The following ITPKB variants were observed in gnomAD, a reference collection of about 807,000 sequenced individuals.
The protein encoded by ITPKB is IP3 3-kinase B.
ITPKB carries 13 observed loss-of-function variants against 69.4 expected under a neutral mutation model. That is an observed-to-expected ratio of 0.19 (90% CI 0.12 to 0.30). ITPKB has a LOEUF of 0.30. Ranked by LOEUF, ITPKB falls within the 10% of genes least tolerant of loss-of-function variation. The pLI is 1.00. For synonymous variants in ITPKB, 584 were observed against 513.7 expected (o/e 1.14, Z -1.85); for missense variants, 1,240 against 1,250.5 (o/e 0.99, Z 0.13).
intron 2 of ITPKB, among the ~76,000 whole-genome samples, chr1:226,727,844 C>G (rs184355277): frequency 6.6e-6 from 1 of 152,304 alleles, no homozygotes; most frequent in East Asian, 1.9e-4. Flanking sequence ...GTATTATCAT[C>G]TCTGGGTTAG....
chr1:226,635,960 G>A (rs898794795), intron 7 of ITPKB, among the ~76,000 whole-genome samples: 1 of 152,260 alleles, frequency 6.6e-6, no homozygotes, highest in African/African-American at 2.4e-5. Flanking sequence ...CAGGGCAGGT[G>A]GGGCCCCTGG....
At chr1:226,737,857 G>C (rs1211919932) in intron 1 of ITPKB, among the ~76,000 whole-genome samples, 194 bp from the exon 2 acceptor site, 1 of 152,110 alleles carries the variant, frequency 6.6e-6, no homozygotes, top group African/African-American at 2.4e-5. Flanking sequence ...GCGCGGTTTC[G>C]GGTGTGCTTC....
Position 226,737,453 on chromosome 1 carries a change from A to G in ITPKB, c.6T>C (p.Ala2=). 1 of 1,609,738 alleles carries G rather than the reference A, an allele frequency of 6.2e-7. No individual in the cohort carries two copies. Among genetic ancestry groups the G allele is most frequent in the Non-Finnish European group, 8.5e-7 (1 of 1,179,084 alleles). Residue 2 remains alanine, a synonymous_variant, in exon 2 of 8, where the codon GCT becomes GCC. Transcript: ENST00000429204. ...GGCTATTGAGCGCATAGCAGTACAC[A>G]GCCATAGTACTGGGTCCCGCGCTGC... M[A]VYCYALNSLV...
chr1:226,670,753 T>C (rs1669599866), intron 2 of ITPKB, among the ~76,000 whole-genome samples: 1 of 152,252 alleles, frequency 6.6e-6, no homozygotes, highest in Non-Finnish European at 1.5e-5. Context: ...TCTCAGTTAT[T>C]ATATTCTATT....
At chr1:226,707,512 T>C in intron 2 of ITPKB, 1 of 984,928 alleles carries the variant, frequency 1.0e-6, no homozygotes, top group Non-Finnish European at 1.2e-6. Flanking sequence ...AGTAAAATTT[T>C]AAGAGAAAAA....
Position 226,736,874 on chromosome 1 carries a change from G to C in ITPKB, c.585C>G (p.Ala195=). The change falls in exon 2 of 8, where the codon GCC becomes GCG. Residue 195 remains alanine (A), a synonymous_variant. Transcript: ENST00000429204. The stretch of plus-strand genomic sequence containing the variant: ...ACTTTGTCCTCCGTTCCTCGCTCCG[G>C]GCGCCCTGAACCAGGACCCTTCCAG... The part of the protein sequence containing the change: ...QPPGRVLVQG[A]RSEERRTKSW... The C allele has an allele frequency of 6.2e-7, 1 of 1,610,950 alleles. No individual in the cohort carries two copies. Among genetic ancestry groups the C allele is most frequent in the Non-Finnish European group, 8.5e-7 (1 of 1,180,014 alleles).
At position 226,737,506 on chromosome 1, in the gene ITPKB, C is replaced by A; in HGVS notation, c.-48G>T. On this transcript the variant is annotated 5_prime_UTR_variant, in exon 2 of 8. Transcript: ENST00000429204. ...GCCGCCGCGGCTCCCGCTCCTGCTC[C>A]GCCGCCGGCGCCTCCTCCTCCCGGC... The A allele has an allele frequency of 6.9e-7, 1 of 1,455,206 alleles. No homozygotes were observed. Among genetic ancestry groups the A allele is most frequent in the Non-Finnish European group, 9.0e-7 (1 of 1,105,402 alleles). 90.1% of individuals were successfully genotyped at this position (1,455,206 alleles called of 1,614,324 possible). A position where few individuals can be genotyped will look rare whatever the true frequency, so the allele number is the denominator to read the frequency against.
At position 226,686,322 on chromosome 1, in the gene ITPKB, G is replaced by C. The variant is rs142540919; in HGVS notation, c.1933-37551C>G. On this transcript the variant is annotated intron_variant, in intron 2 of 7. Transcript: ENST00000429204. Reference sequence around the variant, plus strand: ...CTAATTTCATTCCTGGACATGTCTAGTATAGATTGAAAGGGAAGCCATAGT... The same window carrying C: ...CTAATTTCATTCCTGGACATGTCTACTATAGATTGAAAGGGAAGCCATAGT... Among the ~76,000 whole-genome samples, 5 of 152,336 alleles carry C rather than the reference G, an allele frequency of 3.3e-5. No individual in the cohort carries two copies. In the East Asian group the frequency reaches 9.6e-4, roughly 29 times the overall value.
Position 226,634,254 on chromosome 1 carries a change from G to C in ITPKB, c.*417C>G, listed in dbSNP as rs2102735104. On this transcript the variant is annotated 3_prime_UTR_variant, in exon 8 of 8. Coordinates refer to ENST00000429204, the MANE Select transcript of ITPKB (RefSeq NM_002221.4). This position sits in a 1 kb window ranked among gnomAD's most constrained non-coding sequence, Gnocchi z 6.3. ...GCTCTCCGGTGGGGAGGCCCCGGCAGAAATAAGGCTGTGCTTGGCAGCACT... is the reference window on the plus strand; with the variant it reads ...GCTCTCCGGTGGGGAGGCCCCGGCACAAATAAGGCTGTGCTTGGCAGCACT... 1.2e-5 allele frequency: 2 copies of C among 162,342 alleles called. No individual in the cohort carries two copies. Among genetic ancestry groups the C allele is most frequent in the South Asian group, 3.5e-4 (2 of 5,772 alleles). The allele number at this position is 162,342 out of a possible 1,614,324, so 10.1% of individuals were successfully genotyped here. A position where few individuals can be genotyped will look rare whatever the true frequency, so the allele number is the denominator to read the frequency against.
intron 2 of ITPKB, among the ~76,000 whole-genome samples, chr1:226,713,552 T>C (rs552603547): frequency 6.6e-6 from 1 of 152,312 alleles, no homozygotes; most frequent in East Asian, 1.9e-4. Context: ...GCCAGAGTCG[T>C]GGTCTGGAGG....
intron 2 of ITPKB, among the ~76,000 whole-genome samples, chr1:226,734,796 C>A (rs1002442628): frequency 4.6e-5 from 7 of 152,250 alleles, no homozygotes; most frequent in Non-Finnish European, 1.0e-4. Context: ...CCTGTACCAA[C>A]TGACATGTAC....
chr1:226,709,785 G>A (rs1206082318), intron 2 of ITPKB, among the ~76,000 whole-genome samples: 2 of 152,176 alleles, frequency 1.3e-5, no homozygotes, highest in African/African-American at 4.8e-5. Flanking sequence ...ATTCTCTCTT[G>A]GGCCATGTCT....
chr1:226,640,568 T>C (rs576331820), intron 5 of ITPKB, among the ~76,000 whole-genome samples: 6 of 152,078 alleles, frequency 3.9e-5, no homozygotes, highest in African/African-American at 1.4e-4. Context: ...TCTCTCTGAG[T>C]GGGAAGACAG....
At chr1:226,680,372 G>C (rs577425973) in intron 2 of ITPKB, among the ~76,000 whole-genome samples, 2 of 152,214 alleles carry the variant, frequency 1.3e-5, no homozygotes, top group Non-Finnish European at 2.9e-5. Flanking sequence ...TTGGCAGAGA[G>C]GGGGGAGGTA....
At chr1:226,669,550 C>A (rs1669571585) in intron 2 of ITPKB, among the ~76,000 whole-genome samples, 1 of 152,174 alleles carries the variant, frequency 6.6e-6, no homozygotes, top group Non-Finnish European at 1.5e-5. Flanking sequence ...GGCTAATGAA[C>A]TTGGACTACT....
chr1:226,722,749 G>A (rs910954801), intron 2 of ITPKB, among the ~76,000 whole-genome samples: 3 of 152,194 alleles, frequency 2.0e-5, no homozygotes, highest in Admixed American at 6.5e-5. Flanking sequence ...GCTTGGGGAG[G>A]TGTTAGGGCA....
intron 2 of ITPKB, among the ~76,000 whole-genome samples, chr1:226,699,744 GA>G (rs1200185155): frequency 2.0e-5 from 3 of 152,006 alleles, no homozygotes; most frequent in African/African-American, 4.8e-5. Context: ...AAGAAAGAAA[GA>G]AAGAAAAAGA....
At chr1:226,705,612 A>T (rs1656781533) in intron 2 of ITPKB, among the ~76,000 whole-genome samples, 1 of 151,866 alleles carries the variant, frequency 6.6e-6, no homozygotes, top group Non-Finnish European at 1.5e-5. Context: ...CCAAATATGC[A>T]GATGTGCCTA....
chr1:226,715,896 C>T (rs1204774231), intron 2 of ITPKB, among the ~76,000 whole-genome samples: 7 of 152,138 alleles, frequency 4.6e-5, no homozygotes, highest in African/African-American at 1.2e-4. Flanking sequence ...CTGAAACCTC[C>T]GCCTCCCAGG....
Sources: gnomAD v4.1 joint callset for allele counts (sites outside exome capture counted in the v4.1 genomes callset) on GRCh38, gnomAD v4.1.1 for gene constraint, Gnocchi (gnomAD v3.1) non-coding constraint, MANE v1.5 for transcripts, NCBI Gene and HGNC (gene_info 2026-07-23, HGNC 2026-07-21) for gene names.